The following HIBADH variants were observed in gnomAD, a reference collection of about 807,000 sequenced individuals.
HIBADH encodes 3-hydroxyisobutyrate dehydrogenase, mitochondrial.
HIBADH carries 25 observed loss-of-function variants against 36.1 expected under a neutral mutation model. The observed-to-expected ratio is 0.69, with a 90% CI of 0.50 to 0.97. The LOEUF (loss-of-function observed/expected upper bound fraction) is 0.97, where lower values mean the gene tolerates loss of function less well. HIBADH is among the 50% of genes least tolerant of loss of function. The pLI is 0.00. For missense variants in HIBADH, 421 were observed against 418.0 expected (o/e 1.01, Z -0.06); for synonymous variants, 160 against 149.5 (o/e 1.07, Z -0.51).
rs553983131 is a variant in HIBADH, at chr7:27,614,445, A to G, written c.484+14926T>C. ...AAGAAGGCTCAAAATATTTAACATC[A>G]GTCTTGAATTTTAAAGAAGAAAAGA... On this transcript the variant is annotated intron_variant, in intron 4 of 7. Coordinates refer to ENST00000265395, the MANE Select transcript of HIBADH (RefSeq NM_152740.4). Among the ~76,000 whole-genome samples, 4 of 152,358 alleles carry G rather than the reference A, an allele frequency of 2.6e-5. No individual in the cohort carries two copies. In the East Asian group the frequency reaches 7.7e-4, roughly 29 times the overall value.
Position 27,652,323 on chromosome 7 carries a change from T to A in HIBADH, c.92-2690A>T, listed in dbSNP as rs528206319. On this transcript the variant is annotated intron_variant, in intron 1 of 7. Coordinates refer to ENST00000265395, the MANE Select transcript of HIBADH (RefSeq NM_152740.4). ...CAAGAGATTAAGATTAAAAAAAAAA[T>A]GCAACCATAATGTGGAAGGATAGAA... 4.0e-5 allele frequency among the ~76,000 whole-genome samples: 6 copies of A among 150,594 alleles called. No homozygotes were observed. In the South Asian group the frequency reaches 1.3e-3, roughly 32 times the overall value.
At chr7:27,632,498 C>A in intron 2 of HIBADH, 53 bp from the exon 3 acceptor site, 1 of 1,186,592 alleles carries the variant, frequency 8.4e-7, no homozygotes, top group Non-Finnish European at 1.2e-6. Context: ...TAAGCAGTTT[C>A]TAGAGCACAA....
chr7:27,654,100 G>T (rs539618546), intron 1 of HIBADH, among the ~76,000 whole-genome samples: 1 of 152,044 alleles, frequency 6.6e-6, no homozygotes, highest in Non-Finnish European at 1.5e-5. Context: ...AAATATGTGA[G>T]ATGAAAATTA....
chr7:27,649,601 C>A lies in HIBADH; in HGVS notation c.124G>T (p.Val42Phe). Residue 42 changes from valine (V) to phenylalanine (F), a missense_variant, in exon 2 of 8, where the codon GTT becomes TTT. Coordinates refer to ENST00000265395, the MANE Select transcript of HIBADH (RefSeq NM_152740.4). ...CSRSVASKTP[V>F]GFIGLGNMGN... ...ATGTTGCCCAGTCCAATGAATCCAA[C>A]TGGAGTCTTTGAAGCCACTGACCTA... The A allele has an allele frequency of 1.2e-6, 2 of 1,613,750 alleles. No homozygotes were observed. The highest frequency in any genetic ancestry group is 1.7e-6 in the Non-Finnish European group (2 of 1,179,800).
rs1410214941 is a variant in HIBADH, at chr7:27,654,094, ATG to A, written c.92-4463_92-4462del. 2.0e-5 allele frequency among the ~76,000 whole-genome samples: 3 copies of A among 152,350 alleles called. No homozygotes were observed. The East Asian group carries it at 5.8e-4, about 29-fold the overall frequency. On this transcript the variant is annotated intron_variant, in intron 1 of 7. Transcript: ENST00000265395. ...TTGAGATGAAATCTACTACTAAAAT[ATG>A]TGAGATGAAAATTATACCAGAAGAT...
chr7:27,644,397 C>T (rs935885259), intron 2 of HIBADH, among the ~76,000 whole-genome samples: 2 of 151,922 alleles, frequency 1.3e-5, no homozygotes, highest in Non-Finnish European at 2.9e-5. Context: ...GTCAGGAGTT[C>T]GAGACCAGTC....
At chr7:27,563,342 A>G (rs1297428712) in intron 4 of HIBADH, among the ~76,000 whole-genome samples, 1 of 152,192 alleles carries the variant, frequency 6.6e-6, no homozygotes, top group East Asian at 1.9e-4. Flanking sequence ...GTTTTAGTGG[A>G]TCATGAATTC....
chr7:27,549,336 C>T (rs1017829408), intron 4 of HIBADH, among the ~76,000 whole-genome samples: 39 of 152,166 alleles, frequency 2.6e-4, no homozygotes, highest in Admixed American at 2.2e-3. Context: ...TTAGCCATTC[C>T]ACAATATTTA....
At position 27,662,763 on chromosome 7, in the gene HIBADH, C is replaced by G; in HGVS notation, c.26G>C (p.Gly9Ala). Residue 9 changes from glycine to alanine, a missense_variant, in exon 1 of 8, where the codon GGA (glycine) becomes GCA (alanine). Gly to Ala is a moderately conservative substitution (Grantham distance 60). Coordinates refer to ENST00000265395, the MANE Select transcript of HIBADH (RefSeq NM_152740.4). MAASLRLL[G>A]AASGLRYWSR... ...CCAGTACCGGAGACCGGAGGCAGCT[C>G]CGAGGAGCCGTAAGGAGGCTGCCAT... 7.6e-6 allele frequency: 11 copies of G among 1,450,406 alleles called. No individual in the cohort carries two copies. Among genetic ancestry groups the G allele is most frequent in the Admixed American group, 2.8e-5 (1 of 36,138 alleles). 89.8% of individuals were successfully genotyped at this position (1,450,406 alleles called of 1,614,324 possible).
intron 4 of HIBADH, among the ~76,000 whole-genome samples, chr7:27,583,316 A>C (rs915141400): frequency 6.6e-6 from 1 of 152,060 alleles, no homozygotes; most frequent in African/African-American, 2.4e-5. Context: ...CTGATTTTTA[A>C]AGTAAGGAGA....
intron 1 of HIBADH, among the ~76,000 whole-genome samples, chr7:27,655,162 A>G (rs1786275354): frequency 1.3e-5 from 2 of 152,244 alleles, no homozygotes; most frequent in South Asian, 4.1e-4. Context: ...AATTAGTACT[A>G]AAGTGATAGA....
At position 27,555,380 on chromosome 7, in the gene HIBADH, T is replaced by A. The variant is rs139164201; in HGVS notation, c.485-12280A>T. Among the ~76,000 whole-genome samples the A allele has an allele frequency of 6.8e-3, 995 of 146,216 alleles. 13 individuals carry two copies. Among genetic ancestry groups the A allele is most frequent in the African/African-American group, 0.023 (908 of 39,566 alleles). On this transcript the variant is annotated intron_variant, in intron 4 of 7. Transcript: ENST00000265395. The stretch of plus-strand genomic sequence containing the variant: ...TTATGGATAATGGCCTTCTCCCTCC[T>A]CAGCCCTTAATACAACCCACCTCCT...
At chr7:27,635,818 G>A (rs1038818164) in intron 2 of HIBADH, among the ~76,000 whole-genome samples, 5 of 152,066 alleles carry the variant, frequency 3.3e-5, no homozygotes, top group Admixed American at 2.6e-4. Context: ...TAATTCCAAC[G>A]GCCTCATACT....
intron 4 of HIBADH, among the ~76,000 whole-genome samples, chr7:27,544,336 A>G (rs1408595684): frequency 1.3e-5 from 2 of 152,246 alleles, no homozygotes; most frequent in Non-Finnish European, 2.9e-5. Context: ...CAAAAAAGTC[A>G]GCATTATGCT....
chr7:27,538,260 G>T, intron 6 of HIBADH, 81 bp downstream of exon 6: 3 of 1,061,276 alleles, frequency 2.8e-6, no homozygotes, highest in South Asian at 1.3e-5. Context: ...TATCTCTCAT[G>T]AATATCATTT....
At chr7:27,649,124 T>C (rs920421065) in intron 2 of HIBADH, 1 of 166,148 alleles carries the variant, frequency 6.0e-6, no homozygotes, top group African/African-American at 2.4e-5. Context: ...AAGACATATG[T>C]GCTTTTAATA....
At chr7:27,650,039 T>TTGTACC (rs1786151988) in intron 1 of HIBADH, among the ~76,000 whole-genome samples, 2 of 152,178 alleles carry the variant, frequency 1.3e-5, no homozygotes, top group Non-Finnish European at 2.9e-5. Context: ...TTTTCCTGTT[T>TTGTACC]TGTACCTGTA....
intron 4 of HIBADH, among the ~76,000 whole-genome samples, chr7:27,605,586 C>CGA (rs1217198598): frequency 3.0e-5 from 1 of 33,600 alleles, no homozygotes; most frequent in African/African-American, 1.2e-4. Context: ...TTTAGACAAG[C>CGA]AAAAAAAAAA....
intron 4 of HIBADH, among the ~76,000 whole-genome samples, chr7:27,570,937 A>G (rs1269853534): frequency 6.6e-6 from 1 of 152,146 alleles, no homozygotes; most frequent in East Asian, 1.9e-4. Context: ...CTCAGATATC[A>G]TCATGTTGAC....
Sources: allele counts gnomAD v4.1 joint callset (sites outside exome capture counted in the v4.1 genomes callset), GRCh38; gene constraint gnomAD v4.1.1; transcripts MANE v1.5; gene names NCBI Gene and HGNC (gene_info 2026-07-23, HGNC 2026-07-21).